The following ITGA7 variants were observed in gnomAD, a reference collection of about 807,000 sequenced individuals.
ITGA7 encodes the protein integrin subunit alpha 7.
ITGA7 carries 84 observed loss-of-function variants against 131.6 expected under a neutral mutation model. The observed-to-expected ratio is 0.64, with a 90% CI of 0.54 to 0.77. The LOEUF is 0.77. ITGA7 is among the 30% of genes least tolerant of loss of function. ITGA7 has a pLI of 0.00. For synonymous variants in ITGA7, 548 were observed against 600.7 expected (o/e 0.91, Z 1.28); for missense variants, 1,399 against 1,482.9 (o/e 0.94, Z 0.93).
At chr12:55,692,038 G>A (rs961523707) in intron 21 of ITGA7, among the ~76,000 whole-genome samples, 1 of 152,070 alleles carries the variant, frequency 6.6e-6, no homozygotes, top group East Asian at 1.9e-4. Context: ...AGCAGAAAAG[G>A]GGAAAGCAAA....
chr12:55,715,715 A>G (rs545501617), upstream of ITGA7, among the ~76,000 whole-genome samples: 1 of 152,234 alleles, frequency 6.6e-6, no homozygotes, highest in South Asian at 2.1e-4. Flanking sequence ...GGAACTGGGA[A>G]TCAACTGAGA....
chr12:55,704,388 G>C (rs193117936), intron 1 of ITGA7, among the ~76,000 whole-genome samples: 2 of 152,252 alleles, frequency 1.3e-5, no homozygotes, highest in Non-Finnish European at 2.9e-5. Context: ...TGTCAAGACA[G>C]AGAAGGGGTA....
Position 55,685,188 on chromosome 12 carries a change from T to G in ITGA7, c.3284A>C (p.Lys1095Thr). The G allele has an allele frequency of 6.2e-7, 1 of 1,614,192 alleles. No homozygotes were observed. Among genetic ancestry groups the G allele is most frequent in the African/African-American group, 1.3e-5 (1 of 75,064 alleles). The stretch of plus-strand genomic sequence containing the variant: ...GTTGTTCCTCAGGATGGTGCCCGTC[T>G]TCTCCTCCTTGAACTGCTGTCGGTC... The part of the protein sequence containing the change: ...REDRQQFKEE[K>T]TGTILRNNWG... The change falls in exon 25 of 25, where the codon AAG (lysine) becomes ACG (threonine). Residue 1095 changes from lysine to threonine, a missense_variant. Coordinates refer to ENST00000257879, the MANE Select transcript of ITGA7 (RefSeq NM_002206.3).
In ITGA7 at chr12:55,688,279, G is replaced by A. The variant is rs1386710279; in HGVS notation, c.2980C>T (p.Leu994=). Residue 994 remains leucine, a synonymous_variant, in exon 23 of 25, where the codon CTG becomes TTG. Coordinates refer to ENST00000257879, the MANE Select transcript of ITGA7 (RefSeq NM_002206.3). ...ATGTTGGCCCGGACAATCACTTCCA[G>A]GGACTTCACAGCTGAGTACTCCTAA... is the stretch of plus-strand genomic sequence containing the variant. ...FLEEYSAVKS[L]EVIVRANITV... is the part of the protein sequence containing the mutation. 6.2e-7 allele frequency: 1 copy of A among 1,613,994 alleles called. No individual in the cohort carries two copies. Among genetic ancestry groups the A allele is most frequent in the Non-Finnish European group, 8.5e-7 (1 of 1,179,912 alleles).
At chr12:55,707,394 G>T in intron 1 of ITGA7, 83 bp downstream of exon 1, 1 of 1,126,274 alleles carries the variant, frequency 8.9e-7, no homozygotes, top group Non-Finnish European at 1.3e-6. Flanking sequence ...CTAGAAAACA[G>T]AGAAATGAGG....
intron 4 of ITGA7, chr12:55,700,474 C>T (rs1016169003): frequency 1.1e-5 from 17 of 1,494,682 alleles, no homozygotes; most frequent in Admixed American, 2.2e-5. Flanking sequence ...GACAGGCACA[C>T]GGGGAAGCCC....
At position 55,685,200 on chromosome 12, in the gene ITGA7, A is replaced by G; in HGVS notation, c.3272T>C (p.Phe1091Ser). ...VKIPREDRQQ[F>S]KEEKTGTILR... ...GATGGTGCCCGTCTTCTCCTCCTTGAACTGCTGTCGGTCTTCCCGAGGAAT... is the reference window on the plus strand; with the variant it reads ...GATGGTGCCCGTCTTCTCCTCCTTGGACTGCTGTCGGTCTTCCCGAGGAAT... The change falls in exon 25 of 25, where the codon TTC (phenylalanine) becomes TCC (serine). Residue 1091 changes from phenylalanine to serine, a missense_variant. Transcript: ENST00000257879. 1 of 1,614,108 alleles carries G rather than the reference A, an allele frequency of 6.2e-7. No individual in the cohort carries two copies. Among genetic ancestry groups the G allele is most frequent in the East Asian group, 2.2e-5 (1 of 44,876 alleles).
In ITGA7 at chr12:55,700,890, G is replaced by C; in HGVS notation, c.670+9C>G. On this transcript the variant is annotated intron_variant, in intron 4 of 24. Transcript: ENST00000257879. ...GGTCCCCTTCTCCCCTTCCCGAGGA[G>C]TGACTCACCCTTCCAATTATAGGTT... 2.5e-6 allele frequency: 4 copies of C among 1,614,216 alleles called. No homozygotes were observed. Among genetic ancestry groups the C allele is most frequent in the Non-Finnish European group, 2.5e-6 (3 of 1,180,022 alleles).
Position 55,707,820 on chromosome 12 carries a change from G to GGCCCCAACC in ITGA7, c.-139_-138insGGTTGGGGC. 1.4e-6 allele frequency: 2 copies of GGCCCCAACC among 1,455,770 alleles called. No homozygotes were observed. The highest frequency in any genetic ancestry group is 1.8e-6 in the Non-Finnish European group (2 of 1,102,482). 90.2% of individuals were successfully genotyped at this position (1,455,770 alleles called of 1,614,324 possible). On this transcript the variant is annotated 5_prime_UTR_variant, in exon 1 of 25. Coordinates refer to ENST00000257879, the MANE Select transcript of ITGA7 (RefSeq NM_002206.3). ...CGTCTCCCAGACGTTCGCCCCGCCAGCCCTCCCGCCCGCCCGCCGCTCCGC... is the reference window on the plus strand; with the variant it reads ...CGTCTCCCAGACGTTCGCCCCGCCAGGCCCCAACCCCCTCCCGCCCGCCCGCCGCTCCGC...
At chr12:55,713,920 C>T (rs1298159513), upstream of ITGA7, among the ~76,000 whole-genome samples, 1 of 152,236 alleles carries the variant, frequency 6.6e-6, no homozygotes, top group Non-Finnish European at 1.5e-5. Context: ...AATCAGCACC[C>T]ATTTCTCCTC....
intron 14 of ITGA7, 32 bp downstream of exon 14, chr12:55,695,490 C>G: frequency 1.1e-4 from 115 of 1,006,290 alleles, no homozygotes; most frequent in Non-Finnish European, 1.6e-4. Context: ...CTCTTGCCCT[C>G]CCACCCCCAC....
At chr12:55,705,407 G>A (rs1466801110) in intron 1 of ITGA7, among the ~76,000 whole-genome samples, 3 of 151,782 alleles carry the variant, frequency 2.0e-5, no homozygotes, top group Non-Finnish European at 4.4e-5. Context: ...CAGCTGGGGG[G>A]CAGAGGGACC....
At chr12:55,700,201 G>C (rs1194307673) in intron 4 of ITGA7, 7 of 1,544,050 alleles carry the variant, frequency 4.5e-6, no homozygotes, top group South Asian at 1.2e-5. Flanking sequence ...AGCATGGAGA[G>C]AGAGGACAAG....
chr12:55,695,698 A>ACCATATG, intron 13 of ITGA7, 61 bp from the exon 14 acceptor site: 3 of 1,105,570 alleles, frequency 2.7e-6, no homozygotes, highest in East Asian at 2.4e-5. Flanking sequence ...CAAACCTGTC[A>ACCATATG]CCATGGCATA....
intron 13 of ITGA7, 87 bp downstream of exon 13, chr12:55,696,196 G>T: frequency 7.2e-7 from 1 of 1,391,884 alleles, no homozygotes; most frequent in Non-Finnish European, 9.8e-7. Context: ...AGGGCTCTGT[G>T]AGCTGTGAAT....
intron 6 of ITGA7, 56 bp downstream of exon 6, chr12:55,698,654 G>A: frequency 6.2e-7 from 1 of 1,612,154 alleles, no homozygotes; most frequent in East Asian, 2.2e-5. Flanking sequence ...GCCTCAGCCA[G>A]ACTGGGGCTA....
Position 55,694,949 on chromosome 12 carries a change from G to T in ITGA7, c.2025C>A (p.Ala675=), listed in dbSNP as rs1872309609. The change falls in exon 15 of 25, where the codon GCC becomes GCA. Residue 675 remains alanine, a synonymous_variant. Transcript: ENST00000257879. This position sits in a 1 kb window ranked among gnomAD's most constrained non-coding sequence, Gnocchi z 5.3. ...PLPMDVDGTT[A]LFALSGQPVI... is the part of the protein sequence containing the mutation. ...CTGGCTGCCCACTCAGTGCAAACAG[G>T]GCTGTTGTTCCATCCACATCCCTGG... The T allele has an allele frequency of 1.9e-6, 3 of 1,613,646 alleles. No individual in the cohort carries two copies. The highest frequency in any genetic ancestry group is 2.5e-6 in the Non-Finnish European group (3 of 1,179,966).
chr12:55,712,098 A>G (rs1404745771), upstream of ITGA7: 3 of 1,551,400 alleles, frequency 1.9e-6, no homozygotes, highest in East Asian at 7.3e-5. Context: ...CTGCCTCTGA[A>G]TTCTGGTTGT....
upstream of ITGA7, among the ~76,000 whole-genome samples, chr12:55,714,517 C>CAAAAAAAAA (rs35046301): frequency 7.7e-4 from 93 of 120,438 alleles, 3 homozygotes; most frequent in African/African-American, 3.7e-3. Flanking sequence ...GACTCCGTCT[C>CAAAAAAAAA]AAAAAAAAAA....
Sources: allele counts gnomAD v4.1 joint callset (sites outside exome capture counted in the v4.1 genomes callset), GRCh38; gene constraint gnomAD v4.1.1; non-coding constraint Gnocchi (gnomAD v3.1); transcripts MANE v1.5; gene names NCBI Gene and HGNC (gene_info 2026-07-23, HGNC 2026-07-21).